Variants in ELP4 observed in about 807,000 individuals in gnomAD.
ELP4 encodes elongator complex protein 4.
ELP4 carries 51 observed loss-of-function variants against 48.9 expected under a neutral mutation model. The observed-to-expected ratio is 1.04, with a 90% CI of 0.83 to 1.32. The LOEUF is 1.32. ELP4 is among the 40% of genes most tolerant of loss of function. The pLI is 0.00. For missense variants in ELP4, 519 were observed against 514.6 expected (o/e 1.01, Z -0.08); for synonymous variants, 210 against 189.2 (o/e 1.11, Z -0.90).
At chr11:31,554,570 A>T (rs1413418683) in intron 3 of ELP4, among the ~76,000 whole-genome samples, 3 of 152,112 alleles carry the variant, frequency 2.0e-5, no homozygotes, top group South Asian at 4.1e-4. Flanking sequence ...CATAGTTACC[A>T]TTTTTGGTGT....
At chr11:31,743,771 A>G (rs1947513866) in intron 9 of ELP4, among the ~76,000 whole-genome samples, 1 of 152,198 alleles carries the variant, frequency 6.6e-6, no homozygotes. Flanking sequence ...AATTTATAGC[A>G]CTAAATGCCC....
At chr11:31,667,734 A>C (rs1398972155) in intron 9 of ELP4, among the ~76,000 whole-genome samples, 1 of 152,178 alleles carries the variant, frequency 6.6e-6, no homozygotes, top group Non-Finnish European at 1.5e-5. Flanking sequence ...ATTTCTGAAT[A>C]AGAGGGAGTA....
At chr11:31,779,897 C>G (rs1309535560) in intron 9 of ELP4, 1 of 152,196 alleles carries the variant, frequency 6.6e-6, no homozygotes, top group Admixed American at 6.5e-5. Flanking sequence ...GTCTCTTCCT[C>G]CCAGAATCTG....
intron 9 of ELP4, among the ~76,000 whole-genome samples, chr11:31,711,127 G>A (rs1798062304): frequency 1.3e-5 from 2 of 152,058 alleles, no homozygotes; most frequent in South Asian, 2.1e-4. Flanking sequence ...TTTATATTAC[G>A]CTTGGATGAT....
At chr11:31,732,258 G>GTA (rs1207201058) in intron 9 of ELP4, among the ~76,000 whole-genome samples, 2 of 152,220 alleles carry the variant, frequency 1.3e-5, no homozygotes, top group East Asian at 3.9e-4. Context: ...TGGATACACA[G>GTA]TATAACAAGA....
chr11:31,776,461 G>A (rs1447393817), intron 9 of ELP4, among the ~76,000 whole-genome samples: 1 of 152,198 alleles, frequency 6.6e-6, no homozygotes, highest in African/African-American at 2.4e-5. Flanking sequence ...GTTCTAGAAG[G>A]CTATGTGCCT....
intron 3 of ELP4, among the ~76,000 whole-genome samples, chr11:31,548,960 C>A (rs1956786523): frequency 6.6e-6 from 1 of 152,084 alleles, no homozygotes; most frequent in African/African-American, 2.4e-5. Flanking sequence ...TGGACCCCTT[C>A]CTTACACCTT....
intron 8 of ELP4, chr11:31,648,457 T>C (rs1945252048): frequency 6.6e-6 from 1 of 151,574 alleles, no homozygotes; most frequent in Non-Finnish European, 1.5e-5. Flanking sequence ...ATTTGGTTAA[T>C]TTGGGGATTC....
At chr11:31,588,352 C>T (rs1268071134) in intron 3 of ELP4, among the ~76,000 whole-genome samples, 5 of 151,968 alleles carry the variant, frequency 3.3e-5, no homozygotes, top group African/African-American at 9.7e-5. Context: ...GAAATTTTTC[C>T]AAATTGTTCT....
At chr11:31,594,691 G>A in intron 3 of ELP4, 79 bp from the exon 4 acceptor site, 1 of 910,326 alleles carries the variant, frequency 1.1e-6, no homozygotes, top group Non-Finnish European at 1.6e-6. Context: ...GAAATTTCTA[G>A]TGTTGCTAAT....
chr11:31,524,712 T>C (rs975291889), intron 2 of ELP4, among the ~76,000 whole-genome samples: 1 of 152,242 alleles, frequency 6.6e-6, no homozygotes, highest in African/African-American at 2.4e-5. Flanking sequence ...GTATTTCTTG[T>C]CAGTCATCTT....
intron 8 of ELP4, 79 bp from the exon 9 acceptor site, chr11:31,650,036 T>C: frequency 3.5e-6 from 2 of 571,048 alleles, no homozygotes; most frequent in Non-Finnish European, 6.4e-6. Flanking sequence ...ATTTACAGGA[T>C]TCTGCTATAA....
chr11:31,541,340 C>CTTTTTTTT (rs1319084420), intron 3 of ELP4: 1 of 152,084 alleles, frequency 6.6e-6, no homozygotes, highest in Non-Finnish European at 1.5e-5. Flanking sequence ...TTCTCAATCT[C>CTTTTTTTT]TTTTGTAGTT....
At chr11:31,645,271 C>T (rs903286596) in intron 7 of ELP4, among the ~76,000 whole-genome samples, 2 of 151,750 alleles carry the variant, frequency 1.3e-5, no homozygotes, top group Non-Finnish European at 2.9e-5. Context: ...TTAGAATTCA[C>T]TAGTTTTCCC....
intron 9 of ELP4, among the ~76,000 whole-genome samples, chr11:31,693,559 C>T (rs746370541): frequency 1.2e-4 from 18 of 152,142 alleles, no homozygotes. Flanking sequence ...CAGTGTCTAT[C>T]ATTGATGGAC....
At chr11:31,534,305 G>A (rs1956464600) in intron 2 of ELP4, among the ~76,000 whole-genome samples, 1 of 151,180 alleles carries the variant, frequency 6.6e-6, no homozygotes, top group Admixed American at 6.6e-5. Flanking sequence ...GAGAGCGAGA[G>A]AGAGAGAAAG....
intron 3 of ELP4, among the ~76,000 whole-genome samples, chr11:31,559,562 TGTCTTCACTAGTTACCTCGACTTCTC>T (rs888098824): frequency 1.3e-5 from 2 of 152,226 alleles, no homozygotes; most frequent in African/African-American, 4.8e-5. Flanking sequence ...CACTGTTTTA[TGTCTTCACTAGTTACCTCGACTTCTC>T]AGTAATCAAA....
intron 9 of ELP4, among the ~76,000 whole-genome samples, chr11:31,743,767 T>C (rs1947513660): frequency 6.6e-6 from 1 of 151,798 alleles, no homozygotes. Context: ...GGGAAATTTA[T>C]AGCACTAAAT....
At chr11:31,643,321 C>T (rs1565093013) in intron 7 of ELP4, among the ~76,000 whole-genome samples, 1 of 151,732 alleles carries the variant, frequency 6.6e-6, no homozygotes, top group Non-Finnish European at 1.5e-5. Context: ...TATAGAGTAA[C>T]TCAGGAACTT....
Sources: gnomAD v4.1 joint callset for allele counts (sites outside exome capture counted in the v4.1 genomes callset) on GRCh38, gnomAD v4.1.1 for gene constraint, MANE v1.5 for transcripts, NCBI Gene and HGNC (gene_info 2026-07-23, HGNC 2026-07-21) for gene names.